Variants in RBFOX1 observed in about 807,000 individuals in gnomAD.
RBFOX1 encodes RNA binding fox-1 homolog 1.
In RBFOX1, 8 loss-of-function variants were observed where a neutral mutation model predicts 57.7. That is an observed-to-expected ratio of 0.14 (90% CI 0.08 to 0.25). RBFOX1 has a LOEUF of 0.25. Among genes scored for constraint, RBFOX1 ranks in the 10% least tolerant of loss-of-function variants. RBFOX1 has a pLI of 1.00. For missense variants in RBFOX1, 611 were observed against 548.5 expected (o/e 1.11, Z -1.14); for synonymous variants, 326 against 222.4 (o/e 1.47, Z -4.15).
chr16:6,904,945 A>G (rs1412815321), intron 3 of RBFOX1, among the ~76,000 whole-genome samples: 1 of 152,164 alleles, frequency 6.6e-6, no homozygotes, highest in Non-Finnish European at 1.5e-5. Context: ...TGCTGGGTAA[A>G]CAAAAGCAGT....
intron 2 of RBFOX1, among the ~76,000 whole-genome samples, chr16:5,538,196 G>A (rs181030814): frequency 6.6e-6 from 1 of 152,302 alleles, no homozygotes; most frequent in African/African-American, 2.4e-5. Flanking sequence ...AAGAGGCCAA[G>A]ACCCTGAAGT....
intron 3 of RBFOX1, among the ~76,000 whole-genome samples, chr16:6,868,887 T>C (rs1295058652): frequency 6.6e-6 from 1 of 152,200 alleles, no homozygotes; most frequent in African/African-American, 2.4e-5. Flanking sequence ...GACTTTCTCA[T>C]AGGTGGATGC....
chr16:6,836,769 C>T (rs150755640), intron 3 of RBFOX1, among the ~76,000 whole-genome samples: 1,622 of 152,250 alleles, frequency 0.011, 12 homozygotes, highest in Middle Eastern at 0.02. Context: ...CAGTTCATTA[C>T]AGAAATTTCT....
chr16:7,540,667 A>T (rs1289536308), intron 5 of RBFOX1, among the ~76,000 whole-genome samples: 3 of 152,172 alleles, frequency 2.0e-5, no homozygotes, highest in Non-Finnish European at 4.4e-5. Flanking sequence ...TGACCTCTTC[A>T]GGCTTAACCG....
At chr16:6,468,451 A>C (rs2095101152) in intron 2 of RBFOX1, among the ~76,000 whole-genome samples, 1 of 152,180 alleles carries the variant, frequency 6.6e-6, no homozygotes, top group Admixed American at 6.5e-5. Context: ...GGACATTGCC[A>C]TCTGTGGTGG....
At chr16:5,785,744 C>T (rs2054477904) in intron 3 of RBFOX1, among the ~76,000 whole-genome samples, 1 of 152,084 alleles carries the variant, frequency 6.6e-6, no homozygotes, top group African/African-American at 2.4e-5. Flanking sequence ...TCAGGTTGGT[C>T]TTGAACTCCC....
intron 3 of RBFOX1, among the ~76,000 whole-genome samples, chr16:6,746,559 C>T (rs1441194026): frequency 6.6e-6 from 1 of 151,896 alleles, no homozygotes; most frequent in Non-Finnish European, 1.5e-5. Flanking sequence ...TGTCTGCAGT[C>T]CCTAGCTACC....
At chr16:7,344,826 G>T (rs571811321) in intron 4 of RBFOX1, among the ~76,000 whole-genome samples, 2 of 152,338 alleles carry the variant, frequency 1.3e-5, no homozygotes, top group South Asian at 4.1e-4. Flanking sequence ...AAGCTTTGGT[G>T]TCTGTCGTCT....
chr16:7,086,721 T>TATACACACACACACACACAGAC (rs1555460218), intron 4 of RBFOX1, among the ~76,000 whole-genome samples: 2 of 149,476 alleles, frequency 1.3e-5, no homozygotes, highest in South Asian at 2.1e-4. Flanking sequence ...GAAGAATGTA[T>TATACACACACACACACACAGAC]ACACACACAC....
chr16:5,729,421 C>G (rs28663152), intron 3 of RBFOX1, among the ~76,000 whole-genome samples: 7,077 of 115,124 alleles, frequency 0.061, 516 homozygotes, highest in African/African-American at 0.19. Context: ...TTTTTGCCAG[C>G]CAAGGAATGG....
chr16:5,835,663 T>C (rs2056433401), intron 3 of RBFOX1, among the ~76,000 whole-genome samples: 1 of 152,202 alleles, frequency 6.6e-6, no homozygotes, highest in Non-Finnish European at 1.5e-5. Context: ...TGGACCCTTC[T>C]TCTTAAGGTT....
chr16:7,040,628 T>C (rs1283587610), intron 3 of RBFOX1, among the ~76,000 whole-genome samples: 1 of 152,212 alleles, frequency 6.6e-6, no homozygotes, highest in African/African-American at 2.4e-5. Context: ...GTTTGTTGTT[T>C]ATCATTCCAG....
intron 3 of RBFOX1, among the ~76,000 whole-genome samples, chr16:6,980,379 C>G (rs896588200): frequency 1.3e-5 from 2 of 152,078 alleles, no homozygotes; most frequent in African/African-American, 2.4e-5. Context: ...GTTTTCTAAT[C>G]TTATCTTTTT....
chr16:7,222,773 G>C (rs961028128), intron 4 of RBFOX1, among the ~76,000 whole-genome samples: 1 of 152,170 alleles, frequency 6.6e-6, no homozygotes, highest in Non-Finnish European at 1.5e-5. Flanking sequence ...TGGTAAGCAG[G>C]AACCAGTGCC....
At chr16:5,433,561 C>T (rs958855572) in intron 1 of RBFOX1, among the ~76,000 whole-genome samples, 3 of 152,044 alleles carry the variant, frequency 2.0e-5, no homozygotes, top group Admixed American at 2.0e-4. Context: ...AAGTGAGTGA[C>T]ACAAAGAGAG....
intron 1 of RBFOX1, among the ~76,000 whole-genome samples, chr16:5,338,409 C>A (rs889641426): frequency 6.6e-6 from 1 of 151,994 alleles, no homozygotes; most frequent in Non-Finnish European, 1.5e-5. Flanking sequence ...ACCTTTCTTG[C>A]CAAGGAGAAG....
chr16:5,856,967 G>A (rs1380996878), intron 3 of RBFOX1, among the ~76,000 whole-genome samples: 1 of 152,088 alleles, frequency 6.6e-6, no homozygotes. Flanking sequence ...CATACACAAC[G>A]TGGATAACTG....
At chr16:5,354,986 T>G (rs1596632540) in intron 1 of RBFOX1, among the ~76,000 whole-genome samples, 1 of 133,842 alleles carries the variant, frequency 7.5e-6, no homozygotes, top group Non-Finnish European at 1.6e-5. Context: ...TTGGAAGGGG[T>G]GAAGGGATGT....
At chr16:6,416,638 T>C (rs1341070340) in intron 2 of RBFOX1, among the ~76,000 whole-genome samples, 2 of 152,180 alleles carry the variant, frequency 1.3e-5, no homozygotes, top group African/African-American at 2.4e-5. Flanking sequence ...CCAAGGCGTG[T>C]GTGCTTTTAA....
Sources: allele counts gnomAD v4.1 joint callset (sites outside exome capture counted in the v4.1 genomes callset), GRCh38; gene constraint gnomAD v4.1.1; transcripts MANE v1.5; gene names NCBI Gene and HGNC (gene_info 2026-07-23, HGNC 2026-07-21).